MTF2: variants seen among roughly 807,000 people sequenced by gnomAD.
MTF2 encodes metal-response element-binding transcription factor 2.
A neutral mutation model predicts 79.5 loss-of-function variants in MTF2; 11 were observed. The observed-to-expected ratio is 0.14, with a 90% confidence interval of 0.09 to 0.23. The LOEUF (loss-of-function observed/expected upper bound fraction) is 0.23. MTF2 is among the 10% of genes least tolerant of loss of function. The pLI is 1.00. For synonymous variants in MTF2, 208 were observed against 232.8 expected, an observed-to-expected ratio of 0.89 and a Z score of 0.97; for missense variants, 486 against 711.2, an observed-to-expected ratio of 0.68 and a Z score of 3.60.
chr1:93,097,140 T>G (rs2101035178), intron 1 of MTF2, among the ~76,000 whole-genome samples: 1 of 152,312 alleles, frequency 6.6e-6, no homozygotes, highest in Non-Finnish European at 1.5e-5. Context: ...TCCAAACTTT[T>G]AAGTTACCTT....
chr1:93,115,014 C>T lies in MTF2; in HGVS notation c.409C>T (p.His137Tyr), dbSNP rs1656192076. 2 of 1,609,358 alleles carry T rather than the reference C, an allele frequency of 1.2e-6. No individual in the cohort carries two copies. The highest frequency in any genetic ancestry group is 1.1e-5 in the South Asian group (1 of 90,770). The change falls in exon 5 of 15, where the codon CAT (histidine) becomes TAT (tyrosine). Residue 137 changes from histidine to tyrosine, a missense_variant. This residue lies in a region of MTF2 where 177 missense variants were observed against 364.0 expected (regional missense o/e 0.49). Coordinates refer to ENST00000370298, the MANE Select transcript of MTF2 (RefSeq NM_007358.4). ...QGYHQLCHTP[H>Y]IDSSVIDSDE... ...ATATCATCAGTTGTGTCACACACCT[C>T]ATATTGATTCCAGTGTGATTGATTC...
chr1:93,085,227 G>C (rs1654786509), intron 1 of MTF2, among the ~76,000 whole-genome samples: 1 of 150,276 alleles, frequency 6.7e-6, no homozygotes, highest in African/African-American at 2.5e-5. Flanking sequence ...CCAGGCTGGA[G>C]TGCAGTGGCA....
intron 1 of MTF2, among the ~76,000 whole-genome samples, chr1:93,108,191 A>T (rs1655883011): frequency 6.6e-6 from 1 of 152,218 alleles, no homozygotes; most frequent in Admixed American, 6.5e-5. Flanking sequence ...ACAATTATGT[A>T]CATATTGTTT....
chr1:93,085,289 C>A (rs1332734811), intron 1 of MTF2, among the ~76,000 whole-genome samples: 1 of 151,074 alleles, frequency 6.6e-6, no homozygotes. Context: ...CATTCTCCTG[C>A]CTCAGCCTCA....
intron 1 of MTF2, among the ~76,000 whole-genome samples, chr1:93,109,514 T>C (rs1655946855): frequency 6.6e-6 from 1 of 152,092 alleles, no homozygotes; most frequent in African/African-American, 2.4e-5. Flanking sequence ...TTGTATTTTT[T>C]AGTAGACACA....
rs896735301 is a variant in MTF2 at position 93,108,422 on chromosome 1, T to C, written c.6-1808T>C. The stretch of plus-strand genomic sequence containing the variant: ...GGAGTTTGTATTTCACCTTCATTTT[T>C]GAAAGACAGTTTTGCTGGATATAAG... On this transcript the variant is annotated intron_variant, in intron 1 of 14. Coordinates refer to ENST00000370298, the MANE Select transcript of MTF2 (RefSeq NM_007358.4). Among the ~76,000 whole-genome samples the C allele has an allele frequency of 2.0e-5, 3 of 152,312 alleles. No individual in the cohort carries two copies. In the South Asian group the frequency reaches 6.2e-4, roughly 32 times the overall value.
chr1:93,109,415 C>A (rs1232908157), intron 1 of MTF2, among the ~76,000 whole-genome samples: 1 of 151,990 alleles, frequency 6.6e-6, no homozygotes, highest in African/African-American at 2.4e-5. Context: ...CTCACTGCAA[C>A]CTCCGCCTCC....
chr1:93,090,055 C>T (rs1251121955), intron 1 of MTF2, among the ~76,000 whole-genome samples: 1 of 152,138 alleles, frequency 6.6e-6, no homozygotes, highest in Non-Finnish European at 1.5e-5. Flanking sequence ...CGGCTCACTG[C>T]AAGCTCCGCC....
At chr1:93,128,506 G>A (rs903578911) in intron 10 of MTF2, among the ~76,000 whole-genome samples, 8 of 146,382 alleles carry the variant, frequency 5.5e-5, no homozygotes, top group East Asian at 4.0e-4. Context: ...GCAGTGAGCC[G>A]AATTGAGCCA....
At position 93,121,810 on chromosome 1, in the gene MTF2, T is replaced by C. The variant is rs1310868457; in HGVS notation, c.921+1138T>C. 1.8e-5 allele frequency: 11 copies of C among 619,368 alleles called. No individual in the cohort carries two copies. The East Asian group carries it at 6.9e-4, about 39-fold the overall frequency. 38.4% of individuals were successfully genotyped at this position (619,368 alleles called of 1,614,324 possible). On this transcript the variant is annotated intron_variant, in intron 9 of 14. Transcript: ENST00000370298. Reference sequence around the variant, plus strand: ...ACATTTGATTTTTTTTTTTTTTTTTTTTTTTTTTGGAGACGGAGTCTTGCT... The same window carrying C: ...ACATTTGATTTTTTTTTTTTTTTTTCTTTTTTTTGGAGACGGAGTCTTGCT...
chr1:93,117,256 A>T (rs1402589621), intron 6 of MTF2, among the ~76,000 whole-genome samples: 1 of 152,204 alleles, frequency 6.6e-6, no homozygotes, highest in Admixed American at 6.5e-5. Flanking sequence ...ACCACATACT[A>T]GCTGGGTGTG....
chr1:93,127,696 G>A (rs1341987633), intron 10 of MTF2, among the ~76,000 whole-genome samples: 1 of 152,086 alleles, frequency 6.6e-6, no homozygotes, highest in Non-Finnish European at 1.5e-5. Flanking sequence ...GAGATCTGTG[G>A]TTATAATAGT....
chr1:93,115,216 A>G (rs1445611013), intron 5 of MTF2, 128 bp downstream of exon 5: 6 of 739,202 alleles, frequency 8.1e-6, no homozygotes, highest in Non-Finnish European at 1.3e-5. Context: ...AAGAGGTGCT[A>G]TTTATTTGAC....
chr1:93,130,564 G>T (rs1277112999), intron 11 of MTF2, among the ~76,000 whole-genome samples: 1 of 151,044 alleles, frequency 6.6e-6, no homozygotes, highest in Non-Finnish European at 1.5e-5. Flanking sequence ...GCAACAGAGC[G>T]AGACTCTGTC....
At chr1:93,097,047 T>A (rs1301031896) in intron 1 of MTF2, among the ~76,000 whole-genome samples, 3 of 152,122 alleles carry the variant, frequency 2.0e-5, no homozygotes, top group Non-Finnish European at 4.4e-5. Context: ...TGAGCTCAAA[T>A]GATCTGCCCA....
Position 93,136,667 on chromosome 1 carries a change from T to C in MTF2, c.1425-3T>C. On this transcript the variant is annotated splice_polypyrimidine_tract_variant and splice_region_variant and intron_variant, in intron 14 of 14. Coordinates refer to ENST00000370298, the MANE Select transcript of MTF2 (RefSeq NM_007358.4). ...GACAATTCTGGCCTTCTCTGTTACA[T>C]AGATTATCTGACTCCAGAAAAAGAA... The C allele has an allele frequency of 1.2e-6, 2 of 1,610,508 alleles. No homozygotes were observed. The highest frequency in any genetic ancestry group is 1.7e-6 in the Non-Finnish European group (2 of 1,178,436).
chr1:93,106,495 C>T (rs1571231381), intron 1 of MTF2, among the ~76,000 whole-genome samples: 1 of 150,686 alleles, frequency 6.6e-6, no homozygotes, highest in African/African-American at 2.4e-5. Context: ...TGCAAAATCC[C>T]TCAAGTGAAC....
At chr1:93,104,533 G>A (rs1300177551) in intron 1 of MTF2, among the ~76,000 whole-genome samples, 1 of 151,634 alleles carries the variant, frequency 6.6e-6, no homozygotes, top group Admixed American at 6.6e-5. Context: ...ACAAAAATTA[G>A]CTGGGCGTGG....
chr1:93,129,448 G>T lies in MTF2; in HGVS notation c.1160G>T (p.Arg387Met). 6.7e-7 allele frequency: 1 copy of T among 1,485,276 alleles called. No homozygotes were observed. The highest frequency in any genetic ancestry group is 9.0e-7 in the Non-Finnish European group (1 of 1,105,990). 92.0% of individuals were successfully genotyped at this position (1,485,276 alleles called of 1,614,324 possible). A position where few individuals can be genotyped will look rare whatever the true frequency, so the allele number is the denominator to read the frequency against. ...RKASKPISDS[R>M]EVSNGIEKKG... ...GCATCCAAACCTATATCTGATTCAAGGTAAAAGTTGATCTGTGGCTTAGTT... is the reference window on the plus strand; with the variant it reads ...GCATCCAAACCTATATCTGATTCAATGTAAAAGTTGATCTGTGGCTTAGTT... Residue 387 changes from arginine (R) to methionine (M), a missense_variant and splice_region_variant, in exon 11 of 15, where the codon AGG becomes ATG. Transcript: ENST00000370298.
Sources: allele counts gnomAD v4.1 joint callset (sites outside exome capture counted in the v4.1 genomes callset), GRCh38; gene constraint gnomAD v4.1.1; regional missense constraint gnomAD v4.1.1; transcripts MANE v1.5; gene names NCBI Gene and HGNC (gene_info 2026-07-23, HGNC 2026-07-21).